The following MYH9 variants were observed in gnomAD, a reference collection of about 807,000 sequenced individuals.
The protein encoded by MYH9 is myosin-9.
A neutral mutation model predicts 241.9 loss-of-function variants in MYH9; 29 were observed. That is an observed-to-expected ratio of 0.12 (90% CI 0.09 to 0.16). The LOEUF is 0.16. Ranked by LOEUF, MYH9 falls within the 10% of genes least tolerant of loss-of-function variation. The pLI is 1.00. For synonymous variants in MYH9, 1,047 were observed against 1,062.6 expected, an observed-to-expected ratio of 0.99 and a Z score of 0.29; for missense variants, 1,803 against 2,595.5, an observed-to-expected ratio of 0.69 and a Z score of 6.63.
chr22:36,289,960 G>C (rs1472925677), intron 31 of MYH9, among the ~76,000 whole-genome samples: 1 of 152,088 alleles, frequency 6.6e-6, no homozygotes, highest in Non-Finnish European at 1.5e-5. Flanking sequence ...ATGGAGCGTG[G>C]CTGTGTTCAG....
At chr22:36,308,912 G>C (rs1450846262) in intron 15 of MYH9, 5 of 954,372 alleles carry the variant, frequency 5.2e-6, no homozygotes, top group East Asian at 1.2e-4. Context: ...CAAAGGAAAA[G>C]GAGAAACCAA....
Position 36,296,896 on chromosome 22 carries a change from C to A in MYH9, c.3219G>T (p.Glu1073Asp). The A allele has an allele frequency of 6.2e-7, 1 of 1,613,696 alleles. No individual in the cohort carries two copies. Among genetic ancestry groups the A allele is most frequent in the South Asian group, 1.1e-5 (1 of 91,074 alleles). The change falls in exon 25 of 41, where the codon GAG becomes GAT. Residue 1073 changes from glutamate (E) to aspartate (D), a missense_variant. Physicochemically the swap from Glu to Asp is conservative, Grantham distance 45 (BLOSUM62 2). Around this residue, in one of 11 missense-constraint regions of MYH9, gnomAD observed 290 missense variants for 360.5 expected, o/e 0.80. Coordinates refer to ENST00000216181, the MANE Select transcript of MYH9 (RefSeq NM_002473.6). Reference sequence around the variant, plus strand: ...CTTTCTTGGCCAGCTGCATCTTGAGCTCCGCGATCTGGGCCTGGAGCTCGG... The same window carrying A: ...CTTTCTTGGCCAGCTGCATCTTGAGATCCGCGATCTGGGCCTGGAGCTCGG... Reference protein sequence around the residue: ...QIAELQAQIAELKMQLAKKEE... With the variant: ...QIAELQAQIADLKMQLAKKEE...
intron 25 of MYH9, among the ~76,000 whole-genome samples, chr22:36,296,408 T>C (rs925209400): frequency 2.0e-5 from 3 of 152,062 alleles, no homozygotes; most frequent in East Asian, 1.9e-4. Context: ...GAATTTTTTA[T>C]ATTTTTGGTA....
rs56147525 is a variant in MYH9 at position 36,348,841 on chromosome 22, G to GCC, written c.333+61_333+62dup. ...GCACGTGAGGGTGATGGGAAGACCC[G>GCC]CCCCCCCCCCCCACCTCGGAGCCCT... On this transcript the variant is annotated intron_variant, in intron 2 of 40. Coordinates refer to ENST00000216181, the MANE Select transcript of MYH9 (RefSeq NM_002473.6). The GCC allele has an allele frequency of 7.7e-6, 8 of 1,044,680 alleles. No homozygotes were observed. The East Asian group carries it at 1.7e-4, about 22-fold the overall frequency. 64.7% of individuals were successfully genotyped at this position (1,044,680 alleles called of 1,614,324 possible). A position where few individuals can be genotyped will look rare whatever the true frequency, so the allele number is the denominator to read the frequency against.
At position 36,300,746 on chromosome 22, in the gene MYH9, C is replaced by A. The variant is rs923834264; in HGVS notation, c.2838+105G>T. The stretch of plus-strand genomic sequence containing the variant: ...CCCAAGCAGATTGCGTGAGGAGCAG[C>A]CTCCTTGGACCCTAATTCCATGTTC... On this transcript the variant is annotated intron_variant, in intron 22 of 40. Transcript: ENST00000216181. This position sits in a 1 kb window ranked among gnomAD's most constrained non-coding sequence, Gnocchi z 5.0. 8 of 1,313,012 alleles carry A rather than the reference C, an allele frequency of 6.1e-6. No individual in the cohort carries two copies. In the African/African-American group the frequency reaches 1.0e-4, roughly 17 times the overall value. The allele number at this position is 1,313,012 out of a possible 1,614,324, so 81.3% of individuals were successfully genotyped here.
intron 28 of MYH9, 61 bp downstream of exon 28, chr22:36,294,031 C>G: frequency 1.3e-6 from 2 of 1,577,634 alleles, no homozygotes; most frequent in Non-Finnish European, 1.7e-6. Context: ...CACCTGGGGA[C>G]CTGGGCCACA....
intron 5 of MYH9, among the ~76,000 whole-genome samples, chr22:36,323,627 C>G (rs75302932): frequency 0.028 from 4,227 of 152,290 alleles, 81 homozygotes; most frequent in Non-Finnish European, 0.045. Context: ...ACACCTGCCA[C>G]AGACGAGACC....
chr22:36,347,649 C>A (rs1489994326), intron 2 of MYH9, among the ~76,000 whole-genome samples: 1 of 151,802 alleles, frequency 6.6e-6, no homozygotes, highest in Non-Finnish European at 1.5e-5. Context: ...GTGGGAGGAT[C>A]GCTTGAGCCT....
rs1603482968 is a variant in MYH9 at position 36,296,696 on chromosome 22, A to T, written c.3272+147T>A. ...CTCACCATGCCCTGAGTGCACAAGA[A>T]CTGTTTTGCTATGAAATAAATGGCT... On this transcript the variant is annotated intron_variant, in intron 25 of 40. Transcript: ENST00000216181. The T allele has an allele frequency of 3.2e-6, 3 of 939,188 alleles. No individual in the cohort carries two copies. In the East Asian group the frequency reaches 8.1e-5, roughly 25 times the overall value. 58.2% of individuals were successfully genotyped at this position (939,188 alleles called of 1,614,324 possible).
At chr22:36,348,834 A>ATGGGGGGGGGG in intron 2 of MYH9, 70 bp downstream of exon 2, 1 of 888,390 alleles carries the variant, frequency 1.1e-6, no homozygotes, top group Non-Finnish European at 1.6e-6. Context: ...GGGTGATGGG[A>ATGGGGGGGGGG]AGACCCGCCC....
At chr22:36,361,158 G>A (rs1055215198) in intron 1 of MYH9, among the ~76,000 whole-genome samples, 3 of 152,308 alleles carry the variant, frequency 2.0e-5, no homozygotes, top group Non-Finnish European at 2.9e-5. Flanking sequence ...TGAAGACTGC[G>A]GGTGGGCCCC....
In MYH9 at chr22:36,305,213, CT is replaced by C; in HGVS notation, c.2160-112del. 1.0e-6 allele frequency: 1 copy of C among 973,332 alleles called. No homozygotes were observed. The highest frequency in any genetic ancestry group is 1.6e-6 in the Non-Finnish European group (1 of 616,148). 60.3% of individuals were successfully genotyped at this position (973,332 alleles called of 1,614,324 possible). A position where few individuals can be genotyped will look rare whatever the true frequency, so the allele number is the denominator to read the frequency against. On this transcript the variant is annotated intron_variant, in intron 17 of 40. Transcript: ENST00000216181. This position sits in a 1 kb window ranked among gnomAD's most constrained non-coding sequence, Gnocchi z 4.7. ...TCTACAATGCAACAGACACAGAATT[CT>C]TTACACAAACTCTCCTAAGGAAAGA...
intron 3 of MYH9, 36 bp from the exon 4 acceptor site, chr22:36,327,524 G>T: frequency 6.2e-7 from 1 of 1,613,592 alleles, no homozygotes; most frequent in South Asian, 1.1e-5. Flanking sequence ...ACTCCCGCCA[G>T]ATGCAAAAGC....
chr22:36,337,521 A>T (rs1443501324), intron 3 of MYH9, among the ~76,000 whole-genome samples: 1 of 152,258 alleles, frequency 6.6e-6, no homozygotes, highest in African/African-American at 2.4e-5. Flanking sequence ...GGAGGTCCCC[A>T]GGAAGGGTCA....
chr22:36,321,054 G>A (rs549222896), intron 7 of MYH9, among the ~76,000 whole-genome samples, 158 bp from the exon 8 acceptor site: 1 of 152,022 alleles, frequency 6.6e-6, no homozygotes, highest in Admixed American at 6.5e-5. Context: ...CTGGATTCAA[G>A]CGATTCTCCT....
At chr22:36,311,368 TC>T (rs1299383274) in intron 14 of MYH9, among the ~76,000 whole-genome samples, 2 of 150,114 alleles carry the variant, frequency 1.3e-5, no homozygotes, top group South Asian at 2.1e-4. Flanking sequence ...TCCCCGCACC[TC>T]CCCCCCCGAA....
rs757310410 is a variant in MYH9, at chr22:36,294,928, G to A, written c.3630+4C>T. The A allele has an allele frequency of 6.2e-6, 10 of 1,612,186 alleles. No homozygotes were observed. The East Asian group carries it at 1.3e-4, about 22-fold the overall frequency. ...CCCCCTGCGGTCTCAGGGAGGCTCCGCACCCGCTTCGTCTGCTCCAGCTGC... is the reference window on the plus strand; with the variant it reads ...CCCCCTGCGGTCTCAGGGAGGCTCCACACCCGCTTCGTCTGCTCCAGCTGC... On this transcript the variant is annotated splice_donor_region_variant and intron_variant, in intron 27 of 40. Transcript: ENST00000216181.
At chr22:36,370,397 T>C (rs1256778267) in intron 1 of MYH9, among the ~76,000 whole-genome samples, 5 of 152,194 alleles carry the variant, frequency 3.3e-5, no homozygotes, top group Non-Finnish European at 1.5e-5. Context: ...ATGTATCAAG[T>C]GCTCACCATG....
chr22:36,376,820 T>C (rs1167888725), intron 1 of MYH9, among the ~76,000 whole-genome samples: 1 of 152,056 alleles, frequency 6.6e-6, no homozygotes, highest in African/African-American at 2.4e-5. Flanking sequence ...TCCCAGCACT[T>C]TGGGAGGCCG....
Sources: gnomAD v4.1 joint callset for allele counts (sites outside exome capture counted in the v4.1 genomes callset) on GRCh38, gnomAD v4.1.1 for gene constraint, gnomAD v4.1.1 regional missense constraint, Gnocchi (gnomAD v3.1) non-coding constraint, MANE v1.5 for transcripts, NCBI Gene and HGNC (gene_info 2026-07-23, HGNC 2026-07-21) for gene names.